PLAC1: variants seen among roughly 807,000 people sequenced by gnomAD.
The protein encoded by PLAC1 is placenta associated 1.
For synonymous variants in PLAC1, 68 were observed against 62.1 expected (o/e 1.09, Z -0.44); for missense variants, 136 against 163.2 (o/e 0.83, Z 0.91).
At chrX:134,713,368 G>C (rs184517638) in intron 2 of PLAC1, among the ~76,000 whole-genome samples, 138 of 112,603 alleles carry the variant, frequency 1.2e-3, no homozygotes, top group African/African-American at 4.3e-3. Flanking sequence ...TGAGTAGTAA[G>C]ATGCTTTGCA....
At chrX:134,599,928 T>C (rs1024104176) in intron 2 of PLAC1, among the ~76,000 whole-genome samples, 6 of 111,325 alleles carry the variant, frequency 5.4e-5, no homozygotes, top group African/African-American at 2.0e-4. Context: ...TCCACAGATC[T>C]GGAAAGTTTA....
At chrX:134,725,587 T>C (rs898793427) in intron 2 of PLAC1, among the ~76,000 whole-genome samples, 3 of 112,274 alleles carry the variant, frequency 2.7e-5, no homozygotes, top group African/African-American at 9.7e-5. Context: ...ATCACTGATA[T>C]ATAGATTCTG....
intron 1 of PLAC1, among the ~76,000 whole-genome samples, chrX:134,651,698 C>T (rs2078364180): frequency 9.1e-6 from 1 of 110,307 alleles, no homozygotes; most frequent in East Asian, 2.9e-4. Context: ...CTGTTCCCTT[C>T]ACTTTCTAGT....
At chrX:134,599,188 G>C (rs1312066871) in intron 2 of PLAC1, among the ~76,000 whole-genome samples, 3 of 111,600 alleles carry the variant, frequency 2.7e-5, no homozygotes, top group Non-Finnish European at 5.6e-5. Context: ...TAAAGGTCTA[G>C]GATTGTGTGA....
chrX:134,763,764 T>C (rs1356433442), intron 1 of PLAC1, among the ~76,000 whole-genome samples: 2 of 104,837 alleles, frequency 1.9e-5, no homozygotes, highest in Non-Finnish European at 3.9e-5. Flanking sequence ...GAGGTTGCAT[T>C]GAGCCGAGAC....
At chrX:134,613,574 C>A (rs1298110434) in intron 1 of PLAC1, among the ~76,000 whole-genome samples, 1 of 111,282 alleles carries the variant, frequency 9.0e-6, no homozygotes, top group Admixed American at 9.6e-5. Context: ...TGCAAGCTGT[C>A]TTGCCTGGTT....
chrX:134,678,898 G>A (rs1040033810), intron 2 of PLAC1, among the ~76,000 whole-genome samples: 3 of 111,484 alleles, frequency 2.7e-5, no homozygotes, highest in African/African-American at 9.8e-5. Flanking sequence ...AGACAGAGGA[G>A]AACCACAGGG....
intron 1 of PLAC1, among the ~76,000 whole-genome samples, chrX:134,616,784 T>C (rs2078184362): frequency 9.7e-6 from 1 of 103,254 alleles, no homozygotes. Context: ...TGAATATCAC[T>C]TTTTTTTTTT....
intron 1 of PLAC1, among the ~76,000 whole-genome samples, chrX:134,612,662 C>T (rs958574671): frequency 8.9e-6 from 1 of 111,928 alleles, no homozygotes; most frequent in African/African-American, 3.2e-5. Context: ...CCTCTCTAAG[C>T]CCTGGAGCCA....
In PLAC1 at chrX:134,631,238, G is replaced by C. The variant is rs780232974; in HGVS notation, c.-131+27090C>G. On this transcript the variant is annotated intron_variant, in intron 1 of 2. Transcript: ENST00000359237. ...TAGCCCCTGTCTCAATGCAGCTGGTGGTTTGTTGGCCCTCTTGGCCTTGCC... is the reference window on the plus strand; with the variant it reads ...TAGCCCCTGTCTCAATGCAGCTGGTCGTTTGTTGGCCCTCTTGGCCTTGCC... Among the ~76,000 whole-genome samples the C allele has an allele frequency of 5.5e-4, 62 of 113,028 alleles. 1 individual carries two copies. Among genetic ancestry groups the C allele is most frequent in the African/African-American group, 1.9e-3 (58 of 31,170 alleles).
At chrX:134,708,674 G>A (rs1013083896) in intron 2 of PLAC1, among the ~76,000 whole-genome samples, 3 of 109,519 alleles carry the variant, frequency 2.7e-5, no homozygotes, top group African/African-American at 1.0e-4. Flanking sequence ...AAGTAGCTGG[G>A]ATTACAGGCA....
upstream of PLAC1, among the ~76,000 whole-genome samples, chrX:134,661,566 T>C (rs1326391902): frequency 8.9e-6 from 1 of 112,355 alleles, no homozygotes; most frequent in East Asian, 2.8e-4. Context: ...GTAGTTCCTT[T>C]TTCCTTTAAA....
intron 1 of PLAC1, among the ~76,000 whole-genome samples, chrX:134,614,727 T>G (rs779911393): frequency 8.9e-6 from 1 of 111,859 alleles, no homozygotes; most frequent in African/African-American, 3.2e-5. Flanking sequence ...TTCAAACTCT[T>G]GGGCTCAAGC....
At chrX:134,577,492 C>G (rs917811806) in intron 2 of PLAC1, among the ~76,000 whole-genome samples, 2 of 111,490 alleles carry the variant, frequency 1.8e-5, no homozygotes, top group Non-Finnish European at 3.8e-5. Context: ...AGCTCAAGAC[C>G]AGCCTGGCCA....
chrX:134,612,180 C>T (rs1194802862), intron 1 of PLAC1, among the ~76,000 whole-genome samples: 2 of 111,984 alleles, frequency 1.8e-5, no homozygotes, highest in Non-Finnish European at 1.9e-5. Context: ...GGATGTTTTG[C>T]ACAGTCATTA....
chrX:134,647,479 T>TC lies in PLAC1; in HGVS notation c.-131+10848dup, dbSNP rs1476994425. ...GAGGGGTCCCGAGTGTCCCCCAGCC[T>TC]CAGCCTCTCTGACTCCAGGCTTCAG... On this transcript the variant is annotated intron_variant, in intron 1 of 2. Transcript: ENST00000359237. Among the ~76,000 whole-genome samples the TC allele has an allele frequency of 1.4e-4, 15 of 107,085 alleles. No individual in the cohort carries two copies. In the East Asian group the frequency reaches 2.4e-3, roughly 17 times the overall value. 93.0% of individuals were successfully genotyped at this position (107,085 alleles called of 115,157 possible).
intron 1 of PLAC1, among the ~76,000 whole-genome samples, chrX:134,639,657 T>C (rs929873584): frequency 4.5e-5 from 5 of 112,355 alleles, no homozygotes; most frequent in South Asian, 7.4e-4. Context: ...ACATGTTGCA[T>C]AACCATCACC....
At chrX:134,605,188 C>G (rs1487078204) in intron 1 of PLAC1, among the ~76,000 whole-genome samples, 4 of 112,052 alleles carry the variant, frequency 3.6e-5, no homozygotes, top group Non-Finnish European at 5.6e-5. Context: ...CCAGGGATCT[C>G]AAGTACTTAG....
chrX:134,667,810 C>T (rs1381720467), intron 2 of PLAC1, among the ~76,000 whole-genome samples: 1 of 109,619 alleles, frequency 9.1e-6, no homozygotes, highest in Non-Finnish European at 1.9e-5. Context: ...GCCTGTAGTC[C>T]CAGCTACTCA....
Sources: allele counts gnomAD v4.1 joint callset (sites outside exome capture counted in the v4.1 genomes callset), GRCh38; gene constraint gnomAD v4.1.1; transcripts MANE v1.5; gene names NCBI Gene and HGNC (gene_info 2026-07-23, HGNC 2026-07-21).